Variants in ATP4A observed in about 807,000 individuals in gnomAD.
ATP4A encodes the protein potassium-transporting ATPase alpha chain 1.
A neutral mutation model predicts 112.1 loss-of-function variants in ATP4A; 73 were observed. The ratio of observed to expected loss-of-function variants is 0.65; its 90% CI spans 0.54 to 0.79. The LOEUF (loss-of-function observed/expected upper bound fraction) is 0.79, where lower values mean the gene tolerates loss of function less well. ATP4A is among the 30% of genes least tolerant of loss of function. The pLI is 0.00. For synonymous variants in ATP4A, 588 were observed against 588.9 expected, an observed-to-expected ratio of 1.00 and a Z score of 0.02; for missense variants, 1,081 against 1,425.9, an observed-to-expected ratio of 0.76 and a Z score of 3.90.
chr19:35,553,889 T>C, intron 16 of ATP4A, 60 bp from the exon 17 acceptor site: 2 of 1,525,496 alleles, frequency 1.3e-6, no homozygotes, highest in Middle Eastern at 2.1e-4. Context: ...TCCCCTCCAC[T>C]TCGGGTCCCC....
chr19:35,552,895 C>A (rs1375556170), intron 18 of ATP4A, 142 bp downstream of exon 18: 3 of 1,106,224 alleles, frequency 2.7e-6, no homozygotes, highest in Admixed American at 2.8e-5. Flanking sequence ...CCCTTGCCCC[C>A]CCGAACTGGC....
intron 4 of ATP4A, 45 bp downstream of exon 4, chr19:35,562,389 TC>T: frequency 6.3e-7 from 1 of 1,585,472 alleles, no homozygotes; most frequent in African/African-American, 1.3e-5. Context: ...GTGTCTTCCA[TC>T]CCCAGGTCCC....
rs772301702 is a variant in ATP4A at position 35,551,502 on chromosome 19, C to T, written c.2830G>A (p.Asp944Asn). 2.0e-5 allele frequency: 32 copies of T among 1,613,966 alleles called. No homozygotes were observed. The highest frequency in any genetic ancestry group is 4.0e-5 in the African/African-American group (3 of 74,904). The stretch of plus-strand genomic sequence containing the variant: ...CGGCGCGTCTTGCGGATGAGGACAT[C>T]GGCGATCTGGCACACCTCAATGCTG... ...FISIEVCQIA[D>N]VLIRKTRRLS... is the part of the protein sequence containing the mutation. The change falls in exon 19 of 22, where the codon GAT (aspartate) becomes AAT (asparagine). Residue 944 changes from aspartate (D) to asparagine (N), a missense_variant. Asp to Asn is a conservative substitution (Grantham distance 23). This residue lies in a region of ATP4A where 219 missense variants were observed against 320.9 expected (regional missense o/e 0.68). Transcript: ENST00000262623. The surrounding 1 kb of genome is among the most constrained non-coding windows in gnomAD (Gnocchi z 5.2).
intron 4 of ATP4A, among the ~76,000 whole-genome samples, chr19:35,562,024 T>C (rs569471358): frequency 4.6e-5 from 7 of 152,072 alleles, no homozygotes; most frequent in Admixed American, 2.0e-4. Context: ...TCTGGCTAAT[T>C]TTTGTAATTT....
At position 35,563,196 on chromosome 19, in the gene ATP4A, G is replaced by C. The variant is rs1400142602; in HGVS notation, c.216+13C>G. 12 of 1,612,352 alleles carry C rather than the reference G, an allele frequency of 7.4e-6. No homozygotes were observed. Among genetic ancestry groups the C allele is most frequent in the Non-Finnish European group, 1.0e-5 (12 of 1,179,552 alleles). ...CTCCTCCCCTTTCTGTACGCTCCCA[G>C]TCTCCAGCTCACCTTGGTGGCACTG... On this transcript the variant is annotated intron_variant, in intron 3 of 21. Coordinates refer to ENST00000262623, the MANE Select transcript of ATP4A (RefSeq NM_000704.3).
In ATP4A at chr19:35,560,661, G is replaced by A. The variant is rs1386796432; in HGVS notation, c.535-46C>T. On this transcript the variant is annotated intron_variant, in intron 5 of 21. Coordinates refer to ENST00000262623, the MANE Select transcript of ATP4A (RefSeq NM_000704.3). This position sits in a 1 kb window ranked among gnomAD's most constrained non-coding sequence, Gnocchi z 5.1. ...AGTTGAGGTGGACGGGGGTGGGGGT[G>A]GGAGCTGCTGCATGTGGGGAGGTAA... 1 of 1,572,672 alleles carries A rather than the reference G, an allele frequency of 6.4e-7. No individual in the cohort carries two copies. Among genetic ancestry groups the A allele is most frequent in the Non-Finnish European group, 8.7e-7 (1 of 1,149,502 alleles).
chr19:35,560,460 T>A lies in ATP4A; in HGVS notation c.690A>T (p.Thr230=). The change falls in exon 6 of 22, where the codon ACA becomes ACT. Residue 230 remains threonine (T), a synonymous_variant. Coordinates refer to ENST00000262623, the MANE Select transcript of ATP4A (RefSeq NM_000704.3). The surrounding 1 kb of genome is among the most constrained non-coding windows in gnomAD (Gnocchi z 5.1). ...AGCGGGTCTGTGGCTCAGACTCCCC[T>A]GTCAGCGAGGAGTTGTCCACCTTGC... ...QGCKVDNSSL[T]GESEPQTRSP... 6.2e-7 allele frequency: 1 copy of A among 1,613,752 alleles called. No individual in the cohort carries two copies. The highest frequency in any genetic ancestry group is 1.1e-5 in the South Asian group (1 of 91,080).
Position 35,560,748 on chromosome 19 carries a change from T to C in ATP4A, c.534+71A>G. On this transcript the variant is annotated intron_variant, in intron 5 of 21. Transcript: ENST00000262623. The surrounding 1 kb of genome is among the most constrained non-coding windows in gnomAD (Gnocchi z 5.1). Reference sequence around the variant, plus strand: ...AGGCCACAGATGAGGGACAGGGGCCTGATGGAAGGAGGCTACAGGAGCAGT... The same window carrying C: ...AGGCCACAGATGAGGGACAGGGGCCCGATGGAAGGAGGCTACAGGAGCAGT... 6.3e-7 allele frequency: 1 copy of C among 1,587,418 alleles called. No homozygotes were observed. The highest frequency in any genetic ancestry group is 8.6e-7 in the Non-Finnish European group (1 of 1,156,256).
At position 35,559,321 on chromosome 19, in the gene ATP4A, A is replaced by G. The variant is rs1423693902; in HGVS notation, c.1057-130T>C. On this transcript the variant is annotated intron_variant, in intron 7 of 21. Coordinates refer to ENST00000262623, the MANE Select transcript of ATP4A (RefSeq NM_000704.3). The surrounding 1 kb of genome is among the most constrained non-coding windows in gnomAD (Gnocchi z 4.1). ...TGTGCAACGTGCTTCTGCAAACACCAGGTGTTTTCTTGGCCCCAGCTTTTG... is the reference window on the plus strand; with the variant it reads ...TGTGCAACGTGCTTCTGCAAACACCGGGTGTTTTCTTGGCCCCAGCTTTTG... 2.1e-6 allele frequency: 2 copies of G among 957,668 alleles called. No homozygotes were observed. The highest frequency in any genetic ancestry group is 4.5e-5 in the Admixed American group (2 of 44,590). The allele number at this position is 957,668 out of a possible 1,614,324, so 59.3% of individuals were successfully genotyped here.
chr19:35,553,262 C>A, intron 17 of ATP4A, 80 bp from the exon 18 acceptor site: 2 of 1,482,600 alleles, frequency 1.3e-6, no homozygotes. Flanking sequence ...CATGGAGAGA[C>A]AGGGACACAG....
Position 35,560,876 on chromosome 19 carries a change from G to T in ATP4A, c.477C>A (p.Tyr159Ter), listed in dbSNP as rs780776159. 8 of 1,613,934 alleles carry T rather than the reference G, an allele frequency of 5.0e-6. No homozygotes were observed. The highest frequency in any genetic ancestry group is 5.9e-6 in the Non-Finnish European group (7 of 1,179,980). ...AVVVVTGCFGYYQEFKSTNII... is the reference protein window; with the variant it reads ...AVVVVTGCFG Reference sequence around the variant, plus strand: ...TGTTGGTGCTCTTGAATTCCTGGTAGTAGCCAAAGCAGCCGGTGACGACAA... The same window carrying T: ...TGTTGGTGCTCTTGAATTCCTGGTATTAGCCAAAGCAGCCGGTGACGACAA... Residue 159 changes from tyrosine to a stop codon, truncating the protein, a stop_gained, in exon 5 of 22, where the codon TAC (tyrosine) becomes TAA (stop). Coordinates refer to ENST00000262623, the MANE Select transcript of ATP4A (RefSeq NM_000704.3). LOFTEE classifies it high-confidence loss of function. This position sits in a 1 kb window ranked among gnomAD's most constrained non-coding sequence, Gnocchi z 5.1.
Position 35,557,913 on chromosome 19 carries a change from C to T in ATP4A, c.1501-66G>A. On this transcript the variant is annotated intron_variant, in intron 10 of 21. Transcript: ENST00000262623. The surrounding 1 kb of genome is among the most constrained non-coding windows in gnomAD (Gnocchi z 4.4). ...CGGGGCGGGGCTGTGGACGAGGGAA[C>T]GGGGCGGGGCTGAGGAGAGGGGCGG... The T allele has an allele frequency of 6.6e-6, 1 of 152,092 alleles. No homozygotes were observed. The allele number at this position is 152,092 out of a possible 1,614,324, so 9.4% of individuals were successfully genotyped here.
In ATP4A at chr19:35,558,461, C is replaced by T; in HGVS notation, c.1401G>A (p.Leu467=). 2 of 1,601,832 alleles carry T rather than the reference C, an allele frequency of 1.2e-6. No homozygotes were observed. Among genetic ancestry groups the T allele is most frequent in the Non-Finnish European group, 1.7e-6 (2 of 1,174,792 alleles). Residue 467 remains leucine, a synonymous_variant, in exon 10 of 22, where the codon CTG becomes CTA. Coordinates refer to ENST00000262623, the MANE Select transcript of ATP4A (RefSeq NM_000704.3). This position sits in a 1 kb window ranked among gnomAD's most constrained non-coding sequence, Gnocchi z 5.1. The part of the protein sequence containing the change: ...IVIGDASETA[L]LKFSELTLGN... ...CCAGCGTCAGCTCCGAGAACTTGAG[C>T]AGCGCCGTCTCCGATGCGTCTCCAA... is the stretch of plus-strand genomic sequence containing the variant.
rs2071644423 is a variant in ATP4A, at chr19:35,558,233, T to G, written c.1500+129A>C. 37 of 1,179,444 alleles carry G rather than the reference T, an allele frequency of 3.1e-5. No homozygotes were observed. The highest frequency in any genetic ancestry group is 6.7e-5 in the African/African-American group (4 of 59,866). 73.1% of individuals were successfully genotyped at this position (1,179,444 alleles called of 1,614,324 possible). ...ACGGGGCCATAGGCGGAGCGGGAGA[T>G]GGGGTGGGGTTTGGCTGCGGAGAGA... is the stretch of plus-strand genomic sequence containing the variant. On this transcript the variant is annotated intron_variant, in intron 10 of 21. Coordinates refer to ENST00000262623, the MANE Select transcript of ATP4A (RefSeq NM_000704.3). This position sits in a 1 kb window ranked among gnomAD's most constrained non-coding sequence, Gnocchi z 5.1.
In ATP4A at chr19:35,558,776, C is replaced by T; in HGVS notation, c.1256-90G>A. The T allele has an allele frequency of 1.4e-6, 2 of 1,397,052 alleles. No homozygotes were observed. The highest frequency in any genetic ancestry group is 1.9e-6 in the Non-Finnish European group (2 of 1,044,156). 86.5% of individuals were successfully genotyped at this position (1,397,052 alleles called of 1,614,324 possible). A position where few individuals can be genotyped will look rare whatever the true frequency, so the allele number is the denominator to read the frequency against. On this transcript the variant is annotated intron_variant, in intron 8 of 21. Coordinates refer to ENST00000262623, the MANE Select transcript of ATP4A (RefSeq NM_000704.3). This position sits in a 1 kb window ranked among gnomAD's most constrained non-coding sequence, Gnocchi z 5.1. The stretch of plus-strand genomic sequence containing the variant: ...TCCTCCTAGGCTCATATCGCGGGCC[C>T]CCTCCCCAGACCTGGGTGGAATTGG...
At chr19:35,552,947 A>G (rs1331359993) in intron 18 of ATP4A, 90 bp downstream of exon 18, 2 of 1,454,340 alleles carry the variant, frequency 1.4e-6, no homozygotes, top group Non-Finnish European at 1.8e-6. Flanking sequence ...GAACTCAGTC[A>G]CACGTGGAGG....
Position 35,563,602 on chromosome 19 carries a change from C to G in ATP4A, c.12+16G>C. 5 of 1,613,898 alleles carry G rather than the reference C, an allele frequency of 3.1e-6. No individual in the cohort carries two copies. The South Asian group carries it at 4.4e-5, about 14-fold the overall frequency. On this transcript the variant is annotated intron_variant, in intron 1 of 21. Transcript: ENST00000262623. Reference sequence around the variant, plus strand: ...CCCTGTCCCCACTGCACCCCGGACCCCTGGGCCCCACTCACGGCCTTCCCC... The same window carrying G: ...CCCTGTCCCCACTGCACCCCGGACCGCTGGGCCCCACTCACGGCCTTCCCC...
At position 35,550,814 on chromosome 19, in the gene ATP4A, C is replaced by T; in HGVS notation, c.3079+20G>A. On this transcript the variant is annotated intron_variant, in intron 21 of 21. Coordinates refer to ENST00000262623, the MANE Select transcript of ATP4A (RefSeq NM_000704.3). This position sits in a 1 kb window ranked among gnomAD's most constrained non-coding sequence, Gnocchi z 4.1. ...AACGTTTCAGTCCCCTGCCCCCAGG[C>T]TCCCAGTCTCCACACTCACTCCCTG... 1 of 1,613,768 alleles carries T rather than the reference C, an allele frequency of 6.2e-7. No homozygotes were observed. The highest frequency in any genetic ancestry group is 8.5e-7 in the Non-Finnish European group (1 of 1,179,680).
chr19:35,551,574 C>T lies in ATP4A; in HGVS notation c.2758G>A (p.Gly920Arg), dbSNP rs1358814155. 28 of 1,612,074 alleles carry T rather than the reference C, an allele frequency of 1.7e-5. No homozygotes were observed. Among genetic ancestry groups the T allele is most frequent in the Non-Finnish European group, 2.3e-5 (27 of 1,179,132 alleles). The change falls in exon 19 of 22, where the codon GGG becomes AGG. Residue 920 changes from glycine to arginine, a missense_variant. Coordinates refer to ENST00000262623, the MANE Select transcript of ATP4A (RefSeq NM_000704.3). This position sits in a 1 kb window ranked among gnomAD's most constrained non-coding sequence, Gnocchi z 5.2. Reference sequence around the variant, plus strand: ...GTGTACTGCTGGTACAGGCGCTGCCCGAATGTCTGCAGGCCAGGGGCAAAC... The same window carrying T: ...GTGTACTGCTGGTACAGGCGCTGCCTGAATGTCTGCAGGCCAGGGGCAAAC... ...QDSYGQEWTF[G>R]QRLYQQYTCY...
Sources: gnomAD v4.1 joint callset for allele counts (sites outside exome capture counted in the v4.1 genomes callset) on GRCh38, gnomAD v4.1.1 for gene constraint, gnomAD v4.1.1 regional missense constraint, Gnocchi (gnomAD v3.1) non-coding constraint, MANE v1.5 for transcripts, NCBI Gene and HGNC (gene_info 2026-07-23, HGNC 2026-07-21) for gene names.